Variants in WFS1 observed in about 807,000 individuals in gnomAD.
The protein encoded by WFS1 is wolframin.
Under a neutral mutation model 68.5 loss-of-function variants are expected in WFS1, and 90 were observed. The ratio of observed to expected loss-of-function variants is 1.31; its 90% CI spans 1.11 to 1.56. The LOEUF is 1.56. Among genes scored for constraint, WFS1 ranks in the 40% most tolerant of loss-of-function variants. WFS1 has a pLI of 0.00. For synonymous variants in WFS1, 860 were observed against 540.7 expected, an observed-to-expected ratio of 1.59 and a Z score of -8.19; for missense variants, 1,767 against 1,232.6, an observed-to-expected ratio of 1.43 and a Z score of -6.49.
intron 2 of WFS1, among the ~76,000 whole-genome samples, chr4:6,284,794 A>G (rs1461131903): frequency 6.6e-6 from 1 of 151,072 alleles, no homozygotes; most frequent in Non-Finnish European, 1.5e-5. Flanking sequence ...TGTGGCCTGC[A>G]CCAGGTCGCA....
intron 7 of WFS1, among the ~76,000 whole-genome samples, chr4:6,299,074 G>A (rs957495318): frequency 6.6e-6 from 1 of 152,226 alleles, no homozygotes; most frequent in Non-Finnish European, 1.5e-5. Context: ...AACCTGCTTT[G>A]TATGCCACGC....
intron 7 of WFS1, among the ~76,000 whole-genome samples, chr4:6,297,836 G>T (rs1578603624): frequency 6.6e-6 from 1 of 152,176 alleles, no homozygotes; most frequent in East Asian, 1.9e-4. Flanking sequence ...CATGTCAGAG[G>T]AAGGTCTTGG....
At chr4:6,290,384 T>C (rs1730428067) in intron 4 of WFS1, among the ~76,000 whole-genome samples, 1 of 152,258 alleles carries the variant, frequency 6.6e-6, no homozygotes. Flanking sequence ...TGGAATGACC[T>C]GGAGGGGGCT....
chr4:6,292,489 T>G (rs1377911286), intron 6 of WFS1, among the ~76,000 whole-genome samples: 1 of 151,858 alleles, frequency 6.6e-6, no homozygotes, highest in African/African-American at 2.4e-5. Flanking sequence ...GGGCAGAGCC[T>G]AGGTTGGGGG....
rs71578980 is a variant in WFS1 at position 6,302,151 on chromosome 4, G to T, written c.2356G>T (p.Gly786Cys). ...TACCGTGGGCATGCCATTCAGCAGC[G>T]GCGCTGACGGCTCGCGCAGCCGCGA... Reference protein sequence around the residue: ...EITVGMPFSSGADGSRSREED... With the variant: ...EITVGMPFSSCADGSRSREED... The change falls in exon 8 of 8, where the codon GGC (glycine) becomes TGC (cysteine). Residue 786 changes from glycine (G) to cysteine (C), a missense_variant. Physicochemically the swap from Gly to Cys is radical, Grantham distance 159. Transcript: ENST00000226760. 9.3e-6 allele frequency: 15 copies of T among 1,612,964 alleles called. No individual in the cohort carries two copies. Among genetic ancestry groups the T allele is most frequent in the Non-Finnish European group, 1.3e-5 (15 of 1,180,002 alleles).
At position 6,301,259 on chromosome 4, in the gene WFS1, C is replaced by T. The variant is rs1445907575; in HGVS notation, c.1464C>T (p.Phe488=). The T allele has an allele frequency of 2.5e-6, 4 of 1,611,370 alleles. No homozygotes were observed. The highest frequency in any genetic ancestry group is 1.7e-5 in the Admixed American group (1 of 60,026). ...ACCTGAAGGTCCTTGGCCAGACCTT[C>T]ATCACCGTGCCTGTCGGCCACCTGG... is the stretch of plus-strand genomic sequence containing the variant. ...WPYLKVLGQT[F]ITVPVGHLVV... The change falls in exon 8 of 8, where the codon TTC becomes TTT. Residue 488 remains phenylalanine, a synonymous_variant. Coordinates refer to ENST00000226760, the MANE Select transcript of WFS1 (RefSeq NM_006005.3).
chr4:6,278,157 G>A (rs899303985), intron 2 of WFS1, among the ~76,000 whole-genome samples: 4 of 152,200 alleles, frequency 2.6e-5, no homozygotes, highest in African/African-American at 9.6e-5. Context: ...ATCCTGAGGC[G>A]GGATGCTGGG....
At chr4:6,284,097 G>A (rs867324494) in intron 2 of WFS1, among the ~76,000 whole-genome samples, 5 of 152,164 alleles carry the variant, frequency 3.3e-5, no homozygotes, top group African/African-American at 4.8e-5. Context: ...TGGGCTGGGC[G>A]CAGTGGCTCA....
rs199741678 is a variant in WFS1 at position 6,295,132 on chromosome 4, C to T, written c.804C>T (p.Asp268=). ...VIPSSLFLQD[D]EDDDELAGKS... ...CCAGCAGCCTGTTCCTGCAGGACGA[C>T]GAAGATGATGACGAGCTGGCGGGGA... Residue 268 remains aspartate, a synonymous_variant, in exon 7 of 8, where the codon GAC becomes GAT. Coordinates refer to ENST00000226760, the MANE Select transcript of WFS1 (RefSeq NM_006005.3). The T allele has an allele frequency of 1.1e-5, 17 of 1,613,146 alleles. No individual in the cohort carries two copies. In the East Asian group the frequency reaches 1.1e-4, roughly 11 times the overall value.
chr4:6,294,772 C>T, intron 6 of WFS1: 1 of 489,696 alleles, frequency 2.0e-6, no homozygotes, highest in Non-Finnish European at 3.7e-6. Flanking sequence ...AGGAGCTAGG[C>T]AGAGAGGGAC....
In WFS1 at chr4:6,277,484, C is replaced by T. The variant is rs1209402144; in HGVS notation, c.29C>T (p.Pro10Leu). The T allele has an allele frequency of 1.2e-5, 18 of 1,561,710 alleles. No individual in the cohort carries two copies. Among genetic ancestry groups the T allele is most frequent in the Non-Finnish European group, 1.4e-5 (16 of 1,153,124 alleles). The change falls in exon 2 of 8, where the codon CCC (proline) becomes CTC (leucine). Residue 10 changes from proline to leucine, a missense_variant. Pro to Leu is a moderately conservative substitution (Grantham distance 98, BLOSUM62 -3). Transcript: ENST00000226760. ...GACTCCAACACTGCTCCGCTGGGCC[C>T]CTCCTGCCCACAGCCCCCGCCAGCA... MDSNTAPLG[P>L]SCPQPPPAPQ...
In WFS1 at chr4:6,301,211, C is replaced by G; in HGVS notation, c.1416C>G (p.Pro472=). ...EVTAGLLSLL[P]SMPLNWPYLK... ...CCGCCGGCCTGCTATCGCTGCTGCC[C>G]TCCATGCCCTTGAATTGGCCCTACC... The change falls in exon 8 of 8, where the codon CCC becomes CCG. Residue 472 remains proline, a synonymous_variant. Transcript: ENST00000226760. The G allele has an allele frequency of 6.2e-7, 1 of 1,612,242 alleles. No homozygotes were observed.
intron 7 of WFS1, among the ~76,000 whole-genome samples, chr4:6,298,167 C>T (rs1457238082): frequency 2.0e-5 from 3 of 152,244 alleles, no homozygotes; most frequent in Non-Finnish European, 4.4e-5. Flanking sequence ...TTTAGTTGTC[C>T]TGCTGTTCGC....
rs1214074436 is a variant in WFS1, at chr4:6,277,632, C to T, written c.177C>T (p.Ala59=). The T allele has an allele frequency of 1.9e-6, 3 of 1,568,290 alleles. No individual in the cohort carries two copies. The African/African-American group carries it at 4.1e-5, about 21-fold the overall frequency. ...GCCCTGGTGTTAGAGACGCAGCGGC[C>T]CCCGCTGAACCCCAGGCCCAGCATA... ...GPGPGVRDAA[A]PAEPQAQHTR... is the part of the protein sequence containing the mutation. Residue 59 remains alanine (A), a synonymous_variant, in exon 2 of 8, where the codon GCC becomes GCT. Coordinates refer to ENST00000226760, the MANE Select transcript of WFS1 (RefSeq NM_006005.3).
At chr4:6,291,414 T>A (rs1242596941) in intron 5 of WFS1, 47 bp downstream of exon 5, 1 of 1,602,794 alleles carries the variant, frequency 6.2e-7, no homozygotes, top group Non-Finnish European at 8.5e-7. Context: ...GCGCCAGCCT[T>A]CCCACAGGAG....
chr4:6,275,646 T>C (rs915010959), intron 1 of WFS1, among the ~76,000 whole-genome samples: 1 of 151,552 alleles, frequency 6.6e-6, no homozygotes, highest in African/African-American at 2.4e-5. Context: ...ACCTGGGGGA[T>C]GTTTTACACT....
In WFS1 at chr4:6,302,652, C is replaced by T. The variant is rs1730999480; in HGVS notation, c.*184C>T. On this transcript the variant is annotated 3_prime_UTR_variant, in exon 8 of 8. Transcript: ENST00000226760. ...ACAAAGGGAAGGCTGCTGTGTAGCT[C>T]TGTCCACTCTGAATACCAAGTGTGT... The T allele has an allele frequency of 5.0e-6, 4 of 802,682 alleles. No individual in the cohort carries two copies. The highest frequency in any genetic ancestry group is 2.6e-5 in the Admixed American group (1 of 38,510). 49.7% of individuals were successfully genotyped at this position (802,682 alleles called of 1,614,324 possible).
Position 6,300,689 on chromosome 4 carries a change from G to T in WFS1, c.894G>T (p.Glu298Asp). Residue 298 changes from glutamate to aspartate, a missense_variant, in exon 8 of 8, where the codon GAG becomes GAT. Glu to Asp is a conservative substitution (Grantham distance 45, BLOSUM62 2). Transcript: ENST00000226760. ...VVKYPLHAIM[E>D]IKEYLIDMAS... is the part of the protein sequence containing the mutation. ...AGTACCCCCTGCACGCCATCATGGA[G>T]ATCAAGGAGTACCTGATTGACATGG... 6.2e-7 allele frequency: 1 copy of T among 1,614,040 alleles called. No individual in the cohort carries two copies. The highest frequency in any genetic ancestry group is 2.2e-5 in the East Asian group (1 of 44,870).
At chr4:6,280,478 G>C (rs2109109882) in intron 2 of WFS1, among the ~76,000 whole-genome samples, 1 of 152,276 alleles carries the variant, frequency 6.6e-6, no homozygotes. Context: ...AGGTAGAGTT[G>C]ACACCAAGCC....
Sources: gnomAD v4.1 joint callset for allele counts (sites outside exome capture counted in the v4.1 genomes callset) on GRCh38, gnomAD v4.1.1 for gene constraint, MANE v1.5 for transcripts, NCBI Gene and HGNC (gene_info 2026-07-23, HGNC 2026-07-21) for gene names.